The following DIP2C variants were observed in gnomAD, a reference collection of about 807,000 sequenced individuals.
The protein encoded by DIP2C is disco-interacting protein 2 homolog C.
Under a neutral mutation model 192.4 loss-of-function variants are expected in DIP2C, and 33 were observed. The observed-to-expected ratio is 0.17, with a 90% CI of 0.13 to 0.23. The LOEUF is 0.23. Ranked by LOEUF, DIP2C falls within the 10% of genes least tolerant of loss-of-function variation. DIP2C has a pLI of 1.00. For missense variants in DIP2C, 1,537 were observed against 2,110.1 expected (o/e 0.73, Z 5.32); for synonymous variants, 979 against 864.1 (o/e 1.13, Z -2.33).
chr10:439,906 A>C (rs539089349), intron 4 of DIP2C, among the ~76,000 whole-genome samples: 5 of 152,336 alleles, frequency 3.3e-5, no homozygotes, highest in African/African-American at 9.6e-5. Flanking sequence ...GGAGAAAAAA[A>C]TGGTGTCAAA....
intron 29 of DIP2C, among the ~76,000 whole-genome samples, chr10:335,963 A>C (rs1957748711): frequency 2.0e-5 from 3 of 152,214 alleles, no homozygotes; most frequent in Middle Eastern, 3.4e-3. Context: ...CAGTGGCGTG[A>C]TCTCAGCTTA....
chr10:597,116 G>GT (rs1383523146), intron 1 of DIP2C, among the ~76,000 whole-genome samples: 1 of 152,330 alleles, frequency 6.6e-6, no homozygotes, highest in Non-Finnish European at 1.5e-5. Flanking sequence ...CAGGGCTCGA[G>GT]TAAAACAGCA....
intron 1 of DIP2C, among the ~76,000 whole-genome samples, chr10:642,205 CT>C (rs1855228458): frequency 6.6e-6 from 1 of 152,244 alleles, no homozygotes; most frequent in African/African-American, 2.4e-5. Context: ...ATCCTGGCCT[CT>C]TTAAGCAGGA....
chr10:484,867 A>G, intron 2 of DIP2C: 1 of 1,611,676 alleles, frequency 6.2e-7, no homozygotes. Context: ...GCACACCCCG[A>G]TGTGGGCAGA....
chr10:598,029 G>A (rs189637980), intron 1 of DIP2C, among the ~76,000 whole-genome samples: 4 of 152,328 alleles, frequency 2.6e-5, no homozygotes, highest in African/African-American at 4.8e-5. Flanking sequence ...ATCATTAAAC[G>A]TTTAGGAGGG....
At chr10:620,124 G>C (rs1034240397) in intron 1 of DIP2C, among the ~76,000 whole-genome samples, 1 of 152,164 alleles carries the variant, frequency 6.6e-6, no homozygotes, top group African/African-American at 2.4e-5. Context: ...TACGGAGGAC[G>C]CCACAGCCGA....
intron 29 of DIP2C, among the ~76,000 whole-genome samples, chr10:337,640 TGTG>T (rs1405227672): frequency 1.6e-5 from 2 of 123,692 alleles, no homozygotes; most frequent in South Asian, 2.8e-4. Context: ...GCACGTGTGT[TGTG>T]GAGGCGTAGG....
intron 6 of DIP2C, 84 bp from the exon 7 acceptor site, chr10:415,972 TC>T (rs66682704): frequency 0.17 from 263,262 of 1,584,916 alleles, 22,623 homozygotes; most frequent in South Asian, 0.19. Flanking sequence ...CACAGCCCCC[TC>T]CCCAGCGCGG....
At chr10:395,146 A>AG (rs1491129558) in intron 10 of DIP2C, among the ~76,000 whole-genome samples, 2 of 42,152 alleles carry the variant, frequency 4.7e-5, no homozygotes, top group African/African-American at 4.0e-4. Context: ...GAGGGAGGAG[A>AG]TGGGGGGGAG....
At chr10:355,592 AT>A (rs748438169) in intron 24 of DIP2C, among the ~76,000 whole-genome samples, 12 of 152,172 alleles carry the variant, frequency 7.9e-5, no homozygotes, top group Non-Finnish European at 1.3e-4. Flanking sequence ...GCATATTAAG[AT>A]TTTTGCATTT....
chr10:434,474 C>T (rs893211789), intron 4 of DIP2C, among the ~76,000 whole-genome samples: 12 of 152,088 alleles, frequency 7.9e-5, no homozygotes, highest in Non-Finnish European at 1.3e-4. Flanking sequence ...AGTCTCACTA[C>T]GTTGCCCAGG....
At chr10:397,327 C>A (rs564207263) in intron 10 of DIP2C, among the ~76,000 whole-genome samples, 1 of 152,136 alleles carries the variant, frequency 6.6e-6, no homozygotes, top group East Asian at 1.9e-4. Context: ...GTCAGGAGTT[C>A]GAGACCAGCC....
At chr10:354,594 G>T (rs1958985824) in intron 24 of DIP2C, among the ~76,000 whole-genome samples, 1 of 152,132 alleles carries the variant, frequency 6.6e-6, no homozygotes, top group Admixed American at 6.6e-5. Flanking sequence ...ACATGCTTGT[G>T]CAACCCCCAC....
At chr10:586,573 C>T (rs530175706) in intron 1 of DIP2C, among the ~76,000 whole-genome samples, 1 of 152,212 alleles carries the variant, frequency 6.6e-6, no homozygotes, top group Non-Finnish European at 1.5e-5. Context: ...CCCTCATTTA[C>T]TTCTGTGGCT....
chr10:307,907 G>A (rs1478442269), intron 32 of DIP2C, among the ~76,000 whole-genome samples: 1 of 149,874 alleles, frequency 6.7e-6, no homozygotes, highest in South Asian at 2.1e-4. Flanking sequence ...CGGTCCCTCT[G>A]GAGGGCAGCA....
intron 1 of DIP2C, among the ~76,000 whole-genome samples, chr10:671,800 G>A (rs1420223288): frequency 2.0e-4 from 22 of 107,372 alleles, no homozygotes; most frequent in African/African-American, 3.6e-4. Context: ...GAGGAAACAG[G>A]CCACAGACGC....
At chr10:645,940 T>C (rs181752698) in intron 1 of DIP2C, among the ~76,000 whole-genome samples, 5 of 152,318 alleles carry the variant, frequency 3.3e-5, no homozygotes, top group Admixed American at 3.3e-4. Context: ...ATCAGCTAAG[T>C]TTTCTCCCCT....
chr10:312,150 T>A (rs1956593035), intron 31 of DIP2C, among the ~76,000 whole-genome samples: 3 of 151,592 alleles, frequency 2.0e-5, no homozygotes, highest in African/African-American at 7.3e-5. Flanking sequence ...TCAGGAGGAG[T>A]TTCCACCCCA....
chr10:549,192 C>T lies in DIP2C; in HGVS notation c.86-62662G>A, dbSNP rs183146646. Among the ~76,000 whole-genome samples, 312 of 152,226 alleles carry T rather than the reference C, an allele frequency of 2.0e-3. 2 individuals carry two copies. Among genetic ancestry groups the T allele is most frequent in the Non-Finnish European group, 3.6e-3 (243 of 68,018 alleles). On this transcript the variant is annotated intron_variant, in intron 1 of 36. Transcript: ENST00000280886. ...TTCAAATTCAATCAACTGCTAAGTG[C>T]GATAAAGTTACTTTTTCATTATTGC...
Sources: gnomAD v4.1 joint callset for allele counts (sites outside exome capture counted in the v4.1 genomes callset) on GRCh38, gnomAD v4.1.1 for gene constraint, MANE v1.5 for transcripts, NCBI Gene and HGNC (gene_info 2026-07-23, HGNC 2026-07-21) for gene names.